Variants in AKAP6 observed in about 807,000 individuals in gnomAD.
AKAP6 encodes the protein A-kinase anchoring protein 6, also known as A-kinase anchor protein 6.
In AKAP6, 58 loss-of-function variants were observed where a neutral mutation model predicts 188.5. The ratio of observed to expected loss-of-function variants is 0.31; its 90% CI spans 0.25 to 0.38. The LOEUF (loss-of-function observed/expected upper bound fraction) is 0.38, where lower values mean the gene tolerates loss of function less well. Among genes scored for constraint, AKAP6 ranks in the 10% least tolerant of loss-of-function variants. The pLI is 1.00. For missense variants in AKAP6, 2,710 were observed against 2,740.0 expected, an observed-to-expected ratio of 0.99 and a Z score of 0.24; for synonymous variants, 989 against 998.6, an observed-to-expected ratio of 0.99 and a Z score of 0.18.
chr14:32,577,326 T>C, intron 5 of AKAP6, 84 bp downstream of exon 5: 1 of 1,543,552 alleles, frequency 6.5e-7, no homozygotes, highest in South Asian at 1.2e-5. Context: ...ATATCAATTT[T>C]ATTTATCAAA....
At chr14:32,409,060 C>T (rs4981962) in intron 1 of AKAP6, among the ~76,000 whole-genome samples, 94,773 of 151,866 alleles carry the variant, frequency 0.62, 31,838 homozygotes, top group Non-Finnish European at 0.75. Context: ...ATTAGCCAGG[C>T]ATGGTGGCAT....
chr14:32,806,736 T>C (rs1004584076), intron 12 of AKAP6, among the ~76,000 whole-genome samples: 11 of 152,166 alleles, frequency 7.2e-5, no homozygotes, highest in African/African-American at 2.7e-4. Context: ...ATGCAAGTGC[T>C]AAATTATGTG....
At chr14:32,660,949 A>T (rs1400051854) in intron 7 of AKAP6, among the ~76,000 whole-genome samples, 1 of 63,732 alleles carries the variant, frequency 1.6e-5, no homozygotes, top group Non-Finnish European at 3.0e-5. Context: ...AATTCCAGCC[A>T]TTTGTCCTTG....
chr14:32,454,512 C>T (rs1480923500), intron 2 of AKAP6, among the ~76,000 whole-genome samples: 2 of 152,218 alleles, frequency 1.3e-5, no homozygotes, highest in Non-Finnish European at 2.9e-5. Context: ...GTTGGTCTTG[C>T]ACTTGCTAAT....
At chr14:32,530,113 A>G (rs2139095436) in intron 2 of AKAP6, among the ~76,000 whole-genome samples, 1 of 151,742 alleles carries the variant, frequency 6.6e-6, no homozygotes, top group East Asian at 1.9e-4. Flanking sequence ...TGCAGCCTAC[A>G]CCTCGTGGGC....
intron 11 of AKAP6, among the ~76,000 whole-genome samples, chr14:32,750,149 G>C (rs2032068419): frequency 6.6e-6 from 1 of 152,024 alleles, no homozygotes; most frequent in Non-Finnish European, 1.5e-5. Context: ...TAAATATTTT[G>C]CTACATGGAA....
In AKAP6 at chr14:32,800,165, C is replaced by CAT. The variant is rs1177849380; in HGVS notation, c.3589-21229_3589-21228dup. Among the ~76,000 whole-genome samples, 12 of 143,420 alleles carry CAT rather than the reference C, an allele frequency of 8.4e-5. 1 individual carries two copies. In the East Asian group the frequency reaches 1.2e-3, roughly 14 times the overall value. 94.1% of individuals were successfully genotyped at this position (143,420 alleles called of 152,430 possible). A position where few individuals can be genotyped will look rare whatever the true frequency, so the allele number is the denominator to read the frequency against. On this transcript the variant is annotated intron_variant, in intron 12 of 13. Transcript: ENST00000280979. ...ACACACATATATACATATATATACA[C>CAT]ATATATATACATATATATATACACA...
chr14:32,483,526 C>T (rs371612425), intron 2 of AKAP6, among the ~76,000 whole-genome samples: 95 of 151,896 alleles, frequency 6.3e-4, no homozygotes, highest in African/African-American at 2.1e-3. Context: ...CTCTTTTTGC[C>T]CAGGCTGGAG....
intron 11 of AKAP6, among the ~76,000 whole-genome samples, chr14:32,758,956 A>G (rs1367867816): frequency 2.0e-5 from 3 of 152,200 alleles, no homozygotes; most frequent in Non-Finnish European, 4.4e-5. Context: ...TCAACTCAGC[A>G]TAGAGTTTGC....
chr14:32,660,878 A>G (rs144140703), intron 7 of AKAP6, among the ~76,000 whole-genome samples: 158 of 151,468 alleles, frequency 1.0e-3, no homozygotes, highest in Middle Eastern at 6.8e-3. Flanking sequence ...ATAAAATTTA[A>G]AAAGCTTTTT....
intron 2 of AKAP6, among the ~76,000 whole-genome samples, chr14:32,472,868 G>C (rs1168499085): frequency 2.0e-5 from 3 of 151,528 alleles, no homozygotes; most frequent in Admixed American, 6.6e-5. Flanking sequence ...CGTGAAAATA[G>C]AATATAATGG....
chr14:32,569,786 T>C (rs909540612), intron 4 of AKAP6, among the ~76,000 whole-genome samples: 1 of 152,220 alleles, frequency 6.6e-6, no homozygotes, highest in Non-Finnish European at 1.5e-5. Context: ...ATTTAGAGCC[T>C]AAACAAACCT....
At chr14:32,436,793 A>G (rs1240392699) in intron 2 of AKAP6, among the ~76,000 whole-genome samples, 1 of 152,066 alleles carries the variant, frequency 6.6e-6, no homozygotes, top group Non-Finnish European at 1.5e-5. Flanking sequence ...AAAAATTAGT[A>G]GGCATGGTGG....
At chr14:32,621,021 G>A (rs940166073) in intron 7 of AKAP6, among the ~76,000 whole-genome samples, 22 of 151,836 alleles carry the variant, frequency 1.4e-4, no homozygotes, top group East Asian at 1.9e-4. Flanking sequence ...CTCCATTTTC[G>A]TTTCTAATTG....
chr14:32,404,691 G>GATAGATATATAT lies in AKAP6; in HGVS notation c.-34-28766_-34-28765insGATATATATATA. On this transcript the variant is annotated intron_variant, in intron 1 of 13. Transcript: ENST00000280979. ...AGAGTGGGGTTATGAGGAGTCAGGA[G>GATAGATATATAT]ATATATATATATATATATATTAGTC... Among the ~76,000 whole-genome samples the GATAGATATATAT allele has an allele frequency of 4.3e-3, 189 of 44,440 alleles. 20 individuals carry two copies. The highest frequency in any genetic ancestry group is 0.015 in the Middle Eastern group (1 of 68). 29.2% of individuals were successfully genotyped at this position (44,440 alleles called of 152,430 possible).
chr14:32,659,253 TA>T (rs1396585000), intron 7 of AKAP6, among the ~76,000 whole-genome samples: 4 of 152,136 alleles, frequency 2.6e-5, no homozygotes, highest in African/African-American at 9.7e-5. Context: ...TAATTTCTGT[TA>T]AATCTAAGCT....
At chr14:32,492,355 T>TATATATATATAGATAGAG in intron 2 of AKAP6, among the ~76,000 whole-genome samples, 1 of 82,586 alleles carries the variant, frequency 1.2e-5, no homozygotes, top group Non-Finnish European at 2.7e-5. Flanking sequence ...TATATATATA[T>TATATATATATAGATAGAG]AGAGAGAGAG....
chr14:32,517,869 G>C (rs1437141499), intron 2 of AKAP6, among the ~76,000 whole-genome samples: 2 of 152,238 alleles, frequency 1.3e-5, no homozygotes, highest in Non-Finnish European at 2.9e-5. Context: ...CACGGAGTTT[G>C]AGATCTGAGA....
chr14:32,407,234 G>T (rs186681259), intron 1 of AKAP6, among the ~76,000 whole-genome samples: 5 of 152,210 alleles, frequency 3.3e-5, no homozygotes, highest in Non-Finnish European at 5.9e-5. Context: ...AATTTGTTCT[G>T]GGAACTTTTA....
Sources: allele counts gnomAD v4.1 joint callset (sites outside exome capture counted in the v4.1 genomes callset), GRCh38; gene constraint gnomAD v4.1.1; transcripts MANE v1.5; gene names NCBI Gene and HGNC (gene_info 2026-07-23, HGNC 2026-07-21).